The following TBCEL variants were observed in gnomAD, a reference collection of about 807,000 sequenced individuals.
TBCEL encodes the protein tubulin folding cofactor E like.
In TBCEL, 15 loss-of-function variants were observed where a neutral mutation model predicts 44.2. That is an observed-to-expected ratio of 0.34 (90% CI 0.23 to 0.52). The LOEUF (loss-of-function observed/expected upper bound fraction) is 0.52. TBCEL is among the 20% of genes least tolerant of loss of function. TBCEL has a pLI of 0.95. For synonymous variants in TBCEL, 171 were observed against 185.4 expected, an observed-to-expected ratio of 0.92 and a Z score of 0.63; for missense variants, 319 against 506.3, an observed-to-expected ratio of 0.63 and a Z score of 3.55.
chr11:121,054,371 CACTCTA>C (rs1275355451), intron 5 of TBCEL, among the ~76,000 whole-genome samples: 3 of 151,828 alleles, frequency 2.0e-5, no homozygotes, highest in Non-Finnish European at 2.9e-5. Flanking sequence ...CTTAATTTCA[CACTCTA>C]ACTCTAATGA....
chr11:121,053,653 T>A lies in TBCEL; in HGVS notation c.376T>A (p.Ser126Thr). The change falls in exon 5 of 9, where the codon TCT (serine) becomes ACT (threonine). Residue 126 changes from serine (S) to threonine (T), a missense_variant. By Grantham distance (58) the Ser-to-Thr change is moderately conservative. Coordinates refer to ENST00000683345, the MANE Select transcript of TBCEL (RefSeq NM_001363644.2). ...VLERTCAGSF[S>T]GVRKLVLNNS... is the part of the protein sequence containing the mutation. ...AGAAAGAACATGTGCTGGGTCCTTC[T>A]CTGGGGTTCGCAAACTTGTCCTCAA... The A allele has an allele frequency of 6.2e-7, 1 of 1,612,434 alleles. No individual in the cohort carries two copies. The highest frequency in any genetic ancestry group is 8.5e-7 in the Non-Finnish European group (1 of 1,178,996).
intron 8 of TBCEL, among the ~76,000 whole-genome samples, chr11:121,068,737 A>T (rs534112207): frequency 6.6e-6 from 1 of 151,994 alleles, no homozygotes; most frequent in South Asian, 2.1e-4. Flanking sequence ...TACAAAAAAA[A>T]TTACTTAGGC....
intron 8 of TBCEL, among the ~76,000 whole-genome samples, chr11:121,073,263 A>G (rs887451594): frequency 6.6e-6 from 1 of 152,002 alleles, no homozygotes; most frequent in African/African-American, 2.4e-5. Flanking sequence ...GCTATTGTAT[A>G]TTCCTATCTG....
chr11:121,086,348 T>C lies in TBCEL; in HGVS notation c.957-430T>C, dbSNP rs952429275. On this transcript the variant is annotated intron_variant, in intron 8 of 8. Transcript: ENST00000683345. ...ACTACATGTTTTTGTTTATAAGTTA[T>C]GGCTTCTCCAGGCCTCAGAAACTGC... Among the ~76,000 whole-genome samples, 4 of 152,248 alleles carry C rather than the reference T, an allele frequency of 2.6e-5. No homozygotes were observed. In the South Asian group the frequency reaches 8.3e-4, roughly 31 times the overall value.
At chr11:121,046,164 A>G (rs903117021) in intron 3 of TBCEL, among the ~76,000 whole-genome samples, 1 of 152,116 alleles carries the variant, frequency 6.6e-6, no homozygotes, top group African/African-American at 2.4e-5. Flanking sequence ...AGACATTCAC[A>G]TTTACAAAGG....
chr11:121,058,677 T>A (rs1165995994), intron 7 of TBCEL, among the ~76,000 whole-genome samples: 1 of 151,932 alleles, frequency 6.6e-6, no homozygotes, highest in Non-Finnish European at 1.5e-5. Context: ...GTAATTGGGC[T>A]GCTGACACCA....
intron 7 of TBCEL, among the ~76,000 whole-genome samples, chr11:121,059,655 G>A (rs1181309745): frequency 4.0e-5 from 6 of 151,616 alleles, no homozygotes; most frequent in South Asian, 2.1e-4. Context: ...TTAAAAATGC[G>A]GCCATTAAAG....
At chr11:121,026,711 C>T (rs987447332) in intron 1 of TBCEL, among the ~76,000 whole-genome samples, 7 of 152,136 alleles carry the variant, frequency 4.6e-5, no homozygotes, top group Non-Finnish European at 1.0e-4. Context: ...CATATATCAG[C>T]CATCCTTTAA....
chr11:121,032,922 T>A (rs1180945728), intron 1 of TBCEL, among the ~76,000 whole-genome samples: 1 of 152,160 alleles, frequency 6.6e-6, no homozygotes, highest in Non-Finnish European at 1.5e-5. Flanking sequence ...TTTTGGCAAG[T>A]AGGGAAATTT....
At chr11:121,052,316 T>C (rs1204688047) in intron 4 of TBCEL, among the ~76,000 whole-genome samples, 1 of 151,264 alleles carries the variant, frequency 6.6e-6, no homozygotes, top group African/African-American at 2.4e-5. Flanking sequence ...TTCAAAAAAA[T>C]GTGTCACTTG....
chr11:121,050,979 A>G (rs190614883), intron 4 of TBCEL, among the ~76,000 whole-genome samples: 42 of 151,760 alleles, frequency 2.8e-4, no homozygotes, highest in Non-Finnish European at 7.4e-5. Context: ...GGTACTGGCA[A>G]GTTTTTCTGT....
chr11:121,056,952 T>C (rs1945633156), intron 6 of TBCEL, among the ~76,000 whole-genome samples: 1 of 151,906 alleles, frequency 6.6e-6, no homozygotes, highest in African/African-American at 2.4e-5. Context: ...CTCTTGATGT[T>C]GTCTTTTAGC....
In TBCEL at chr11:121,090,711, C is replaced by T. The variant is rs921849997; in HGVS notation, c.*3615C>T. 2.0e-5 allele frequency: 3 copies of T among 150,006 alleles called. No homozygotes were observed. The highest frequency in any genetic ancestry group is 7.3e-5 in the African/African-American group (3 of 40,972). 9.3% of individuals were successfully genotyped at this position (150,006 alleles called of 1,614,324 possible). The stretch of plus-strand genomic sequence containing the variant: ...TATAATTTAAACATGAAGGTCTATT[C>T]TTTGCACTTTTTATTAATATATATA... On this transcript the variant is annotated 3_prime_UTR_variant, in exon 9 of 9. Transcript: ENST00000683345.
rs1946235791 is a variant in TBCEL at position 121,087,449 on chromosome 11, G to C, written c.*353G>C. 4.1e-6 allele frequency: 1 copy of C among 244,020 alleles called. No individual in the cohort carries two copies. The highest frequency in any genetic ancestry group is 2.3e-5 in the African/African-American group (1 of 43,760). 15.1% of individuals were successfully genotyped at this position (244,020 alleles called of 1,614,324 possible). ...AACCTGTGAAGATAACATGAACACT[G>C]TAGCCCCTTAGAAGGGTCTCATAGA... On this transcript the variant is annotated 3_prime_UTR_variant, in exon 9 of 9. Coordinates refer to ENST00000683345, the MANE Select transcript of TBCEL (RefSeq NM_001363644.2).
intron 8 of TBCEL, among the ~76,000 whole-genome samples, chr11:121,077,117 A>T (rs1419547165): frequency 2.6e-5 from 4 of 151,878 alleles, no homozygotes; most frequent in Non-Finnish European, 5.9e-5. Flanking sequence ...TTTTCTTATA[A>T]TGTCTTTGTC....
At chr11:121,082,482 C>T (rs1946143671) in intron 8 of TBCEL, among the ~76,000 whole-genome samples, 1 of 152,134 alleles carries the variant, frequency 6.6e-6, no homozygotes, top group African/African-American at 2.4e-5. Flanking sequence ...ATTAGGCCTA[C>T]CCAGATATGG....
chr11:121,060,080 A>G lies in TBCEL; in HGVS notation c.951A>G (p.Pro317=). 1.2e-6 allele frequency: 2 copies of G among 1,609,988 alleles called. No individual in the cohort carries two copies. The highest frequency in any genetic ancestry group is 8.5e-7 in the Non-Finnish European group (1 of 1,177,252). Residue 317 remains proline, a synonymous_variant, in exon 8 of 9, where the codon CCA becomes CCG. Coordinates refer to ENST00000683345, the MANE Select transcript of TBCEL (RefSeq NM_001363644.2). ...YYVDVPQEEV[P]FRYHELITKY... The stretch of plus-strand genomic sequence containing the variant: ...TGGATGTTCCACAGGAAGAAGTGCC[A>G]TTCAGGTAAAAAATTCCCCATTGGC...
intron 2 of TBCEL, among the ~76,000 whole-genome samples, chr11:121,045,063 A>G (rs1334068551): frequency 3.3e-5 from 5 of 152,058 alleles, no homozygotes; most frequent in Admixed American, 3.3e-4. Context: ...TGGTGGCATC[A>G]GTTTTCTAGG....
chr11:121,068,695 C>A (rs1811775172), intron 8 of TBCEL, among the ~76,000 whole-genome samples: 1 of 152,000 alleles, frequency 6.6e-6, no homozygotes, highest in East Asian at 1.9e-4. Context: ...ACCAGCTTGA[C>A]CAACATGGAG....
Sources: gnomAD v4.1 joint callset for allele counts (sites outside exome capture counted in the v4.1 genomes callset) on GRCh38, gnomAD v4.1.1 for gene constraint, MANE v1.5 for transcripts, NCBI Gene and HGNC (gene_info 2026-07-23, HGNC 2026-07-21) for gene names.